Variants in CAAP1 observed in about 807,000 individuals in gnomAD.
CAAP1 encodes conserved anti-apoptotic protein.
CAAP1 carries 20 observed loss-of-function variants against 34.0 expected under a neutral mutation model. That is an observed-to-expected ratio of 0.59 (90% CI 0.41 to 0.86). The LOEUF is 0.86. Among genes scored for constraint, CAAP1 ranks in the 40% least tolerant of loss-of-function variants. The pLI is 0.00. For synonymous variants in CAAP1, 213 were observed against 166.7 expected (o/e 1.28, Z -2.14); for missense variants, 538 against 450.5 (o/e 1.19, Z -1.76).
chr9:26,843,475 T>A (rs1822526017), intron 5 of CAAP1, among the ~76,000 whole-genome samples: 1 of 152,150 alleles, frequency 6.6e-6, no homozygotes, highest in Non-Finnish European at 1.5e-5. Context: ...TTCTTGCATT[T>A]TCTTTTTTTT....
chr9:26,873,467 TTCC>T (rs756900101), intron 4 of CAAP1, among the ~76,000 whole-genome samples: 2 of 152,178 alleles, frequency 1.3e-5, no homozygotes, highest in Non-Finnish European at 2.9e-5. Flanking sequence ...CTGCTAAGAT[TTCC>T]CTACAGTATA....
intron 1 of CAAP1, among the ~76,000 whole-genome samples, chr9:26,887,763 T>G (rs929833232): frequency 6.6e-6 from 1 of 152,172 alleles, no homozygotes; most frequent in Non-Finnish European, 1.5e-5. Context: ...AACAAAAGTA[T>G]AGTAAATATT....
intron 4 of CAAP1, among the ~76,000 whole-genome samples, chr9:26,872,775 C>G (rs200141248): frequency 6.6e-6 from 1 of 151,960 alleles, no homozygotes; most frequent in East Asian, 1.9e-4. Context: ...AAAGAATATA[C>G]TAGATATTTA....
At chr9:26,874,962 G>A (rs1161308186) in intron 4 of CAAP1, among the ~76,000 whole-genome samples, 1 of 152,068 alleles carries the variant, frequency 6.6e-6, no homozygotes, top group East Asian at 1.9e-4. Flanking sequence ...AAACACTTGT[G>A]CATAATTCTG....
chr9:26,875,738 G>A (rs986267663), intron 4 of CAAP1, among the ~76,000 whole-genome samples: 2 of 151,434 alleles, frequency 1.3e-5, no homozygotes, highest in Non-Finnish European at 2.9e-5. Context: ...TATAAAGAAC[G>A]GCAGCAGTCA....
intron 4 of CAAP1, among the ~76,000 whole-genome samples, chr9:26,865,628 G>C (rs1823118957): frequency 6.6e-6 from 1 of 152,188 alleles, no homozygotes; most frequent in African/African-American, 2.4e-5. Flanking sequence ...TTTAGGAACA[G>C]TCACTGTTAC....
chr9:26,887,790 T>C (rs1358770852), intron 1 of CAAP1, among the ~76,000 whole-genome samples: 1 of 152,166 alleles, frequency 6.6e-6, no homozygotes, highest in Non-Finnish European at 1.5e-5. Context: ...TTTCTTAAAA[T>C]TTTAGACTTT....
intron 4 of CAAP1, among the ~76,000 whole-genome samples, chr9:26,869,193 T>TA (rs956208444): frequency 2.9e-4 from 43 of 150,848 alleles, no homozygotes; most frequent in African/African-American, 8.5e-4. Flanking sequence ...TAATAAAAAG[T>TA]AAAAAAAAAT....
chr9:26,892,109 C>T (rs911933187), intron 1 of CAAP1: 9 of 581,396 alleles, frequency 1.5e-5, no homozygotes, highest in Non-Finnish European at 2.2e-5. Context: ...GAAATGAAGG[C>T]TAGCTTCCAA....
intron 4 of CAAP1, among the ~76,000 whole-genome samples, chr9:26,883,104 T>C (rs552206331): frequency 6.6e-6 from 1 of 152,300 alleles, no homozygotes; most frequent in East Asian, 1.9e-4. Context: ...TTTGAGTTAA[T>C]GCTGAAATGA....
At chr9:26,874,862 T>C (rs1002232161) in intron 4 of CAAP1, among the ~76,000 whole-genome samples, 1 of 152,108 alleles carries the variant, frequency 6.6e-6, no homozygotes, top group African/African-American at 2.4e-5. Flanking sequence ...AAGCTGAGCT[T>C]AGAGGAGAAA....
chr9:26,872,174 T>C (rs1371986148), intron 4 of CAAP1, among the ~76,000 whole-genome samples: 1 of 152,184 alleles, frequency 6.6e-6, no homozygotes, highest in African/African-American at 2.4e-5. Flanking sequence ...CCAGTATTTT[T>C]CAAGAATAAA....
chr9:26,880,096 G>A (rs1307831227), intron 4 of CAAP1: 1 of 6,436 alleles, frequency 1.6e-4, no homozygotes, highest in South Asian at 8.6e-3. Context: ...AAAAAATCCG[G>A]GGGGGGGGGG....
At chr9:26,844,267 G>C (rs1477443362) in intron 5 of CAAP1, among the ~76,000 whole-genome samples, 1 of 152,128 alleles carries the variant, frequency 6.6e-6, no homozygotes, top group Non-Finnish European at 1.5e-5. Context: ...TGAGGCAAGA[G>C]AATCACTTGA....
chr9:26,858,978 T>C (rs112370893), intron 5 of CAAP1, among the ~76,000 whole-genome samples: 1,746 of 120,348 alleles, frequency 0.015, 31 homozygotes, highest in African/African-American at 0.054. Context: ...GCCTGGGCAA[T>C]AGAGCGAGAG....
At chr9:26,851,028 T>C (rs1238456391) in intron 5 of CAAP1, among the ~76,000 whole-genome samples, 3 of 152,202 alleles carry the variant, frequency 2.0e-5, no homozygotes, top group African/African-American at 7.2e-5. Flanking sequence ...CCTTCAGAGA[T>C]TATTCCAAGA....
intron 4 of CAAP1, among the ~76,000 whole-genome samples, chr9:26,876,975 G>C (rs1186214107): frequency 6.6e-6 from 1 of 152,022 alleles, no homozygotes; most frequent in Non-Finnish European, 1.5e-5. Flanking sequence ...ACAACATAGT[G>C]AGACCCTGTC....
intron 4 of CAAP1, among the ~76,000 whole-genome samples, chr9:26,870,230 A>G (rs1823241794): frequency 1.3e-5 from 2 of 152,026 alleles, no homozygotes; most frequent in Non-Finnish European, 2.9e-5. Flanking sequence ...GATTCTGGAA[A>G]GGTGCCTATC....
chr9:26,862,814 G>A (rs928413193), intron 4 of CAAP1, among the ~76,000 whole-genome samples: 4 of 152,040 alleles, frequency 2.6e-5, no homozygotes, highest in African/African-American at 9.7e-5. Context: ...TACTCAAGTT[G>A]ATACTCTGTT....
Sources: gnomAD v4.1 joint callset for allele counts (sites outside exome capture counted in the v4.1 genomes callset) on GRCh38, gnomAD v4.1.1 for gene constraint, MANE v1.5 for transcripts, NCBI Gene and HGNC (gene_info 2026-07-23, HGNC 2026-07-21) for gene names.